The following EDEM1 variants were observed in gnomAD, a reference collection of about 807,000 sequenced individuals.
EDEM1 encodes the protein ER degradation enhancing alpha-mannosidase like protein 1.
EDEM1 carries 67 observed loss-of-function variants against 74.4 expected under a neutral mutation model. The ratio of observed to expected loss-of-function variants is 0.90; its 90% confidence interval spans 0.74 to 1.10. The LOEUF (loss-of-function observed/expected upper bound fraction) is 1.10, where lower values mean the gene tolerates loss of function less well. Ranked by LOEUF, EDEM1 falls within the 50% of genes least tolerant of loss-of-function variation. The pLI is 0.00. For synonymous variants in EDEM1, 382 were observed against 335.9 expected (o/e 1.14, Z -1.50); for missense variants, 926 against 851.6 (o/e 1.09, Z -1.09).
At chr3:5,198,487 T>C (rs1162002558) in intron 2 of EDEM1, among the ~76,000 whole-genome samples, 2 of 152,160 alleles carry the variant, frequency 1.3e-5, no homozygotes, top group African/African-American at 4.8e-5. Flanking sequence ...CAATCAGATA[T>C]GCATTTTTCT....
Position 5,219,809 on chromosome 3 carries a change from A to G in EDEM1, c.*3891A>G, listed in dbSNP as rs754113331. On this transcript the variant is annotated 3_prime_UTR_variant, in exon 12 of 12. Transcript: ENST00000256497. ...AACTGTAGATGATATTTTATGTTTA[A>G]TCTGTAAATAAGAAATGTATTTAAA... 2.6e-5 allele frequency: 4 copies of G among 152,648 alleles called. No individual in the cohort carries two copies. Among genetic ancestry groups the G allele is most frequent in the Non-Finnish European group, 5.9e-5 (4 of 68,028 alleles). The allele number at this position is 152,648 out of a possible 1,614,324, so 9.5% of individuals were successfully genotyped here.
intron 11 of EDEM1, among the ~76,000 whole-genome samples, chr3:5,214,681 C>T (rs554434420): frequency 6.9e-4 from 105 of 152,322 alleles, no homozygotes; most frequent in African/African-American, 2.4e-3. Flanking sequence ...CATTTTACAG[C>T]TGAAGAAAGG....
intron 10 of EDEM1, among the ~76,000 whole-genome samples, chr3:5,211,961 A>C (rs1316756288): frequency 6.6e-6 from 1 of 152,066 alleles, no homozygotes; most frequent in Non-Finnish European, 1.5e-5. Flanking sequence ...AGAGGGCAGG[A>C]TTTCCAGGTT....
In EDEM1 at chr3:5,216,437, A is replaced by G. The variant is rs1008073700; in HGVS notation, c.*519A>G. 6.6e-6 allele frequency: 1 copy of G among 152,126 alleles called. No homozygotes were observed. Among genetic ancestry groups the G allele is most frequent in the Non-Finnish European group, 1.5e-5 (1 of 68,040 alleles). 9.4% of individuals were successfully genotyped at this position (152,126 alleles called of 1,614,324 possible). ...TGAGCACCACTGTACCTGGCTAGCT[A>G]CTTCTTTGTTAGAGGATTGAGAATG... On this transcript the variant is annotated 3_prime_UTR_variant, in exon 12 of 12. Coordinates refer to ENST00000256497, the MANE Select transcript of EDEM1 (RefSeq NM_014674.3).
In EDEM1 at chr3:5,217,887, T is replaced by C. The variant is rs2055260618; in HGVS notation, c.*1969T>C. On this transcript the variant is annotated 3_prime_UTR_variant, in exon 12 of 12. Transcript: ENST00000256497. ...ACTGTTAGTGACCCATTTGGGAAAA[T>C]AGAGCATCTCAGAGAAGGAGGTGAG... The C allele has an allele frequency of 1.3e-5, 2 of 152,152 alleles. No homozygotes were observed. Among genetic ancestry groups the C allele is most frequent in the South Asian group, 4.2e-4 (2 of 4,818 alleles). The allele number at this position is 152,152 out of a possible 1,614,324, so 9.4% of individuals were successfully genotyped here. A position where few individuals can be genotyped will look rare whatever the true frequency, so the allele number is the denominator to read the frequency against.
chr3:5,190,509 C>G (rs1396548531), intron 1 of EDEM1, among the ~76,000 whole-genome samples: 1 of 152,190 alleles, frequency 6.6e-6, no homozygotes, highest in East Asian at 1.9e-4. Flanking sequence ...GTTGATTTAA[C>G]TTGCTGGTCT....
intron 9 of EDEM1, 45 bp downstream of exon 9, chr3:5,210,293 T>C (rs757865177): frequency 4.3e-5 from 67 of 1,543,498 alleles, no homozygotes; most frequent in Non-Finnish European, 5.5e-5. Context: ...CCACTTTTAA[T>C]TTATTTCAAA....
At chr3:5,188,571 T>C in intron 1 of EDEM1, 1 of 384,628 alleles carries the variant, frequency 2.6e-6, no homozygotes, top group Non-Finnish European at 4.5e-6. Flanking sequence ...GCTCAGTGTC[T>C]TACGCGTGAG....
intron 1 of EDEM1, among the ~76,000 whole-genome samples, chr3:5,192,737 G>A (rs1057092810): frequency 6.6e-6 from 1 of 151,176 alleles, no homozygotes; most frequent in African/African-American, 2.4e-5. Context: ...GTTTTATGGT[G>A]TTTTTTTTTC....
chr3:5,199,792 G>A, intron 3 of EDEM1, 97 bp downstream of exon 3: 1 of 952,768 alleles, frequency 1.0e-6, no homozygotes, highest in Non-Finnish European at 1.6e-6. Flanking sequence ...CATGATCCAG[G>A]CAGGGAGTCC....
chr3:5,209,541 A>G (rs2055142596), intron 8 of EDEM1, among the ~76,000 whole-genome samples: 1 of 152,190 alleles, frequency 6.6e-6, no homozygotes, highest in Non-Finnish European at 1.5e-5. Flanking sequence ...TGTTGCTGCA[A>G]TCTGGCACTA....
chr3:5,207,001 A>C, intron 6 of EDEM1, 152 bp from the exon 7 acceptor site: 1 of 986,628 alleles, frequency 1.0e-6, no homozygotes. Flanking sequence ...TAGATAATTA[A>C]AGGCAGTCTG....
chr3:5,188,610 A>G (rs1349203176), intron 1 of EDEM1, among the ~76,000 whole-genome samples: 3 of 152,230 alleles, frequency 2.0e-5, no homozygotes, highest in African/African-American at 2.4e-5. Context: ...CAGAAGGGAC[A>G]GTGGCAGTGC....
rs373755060 is a variant in EDEM1 at position 5,208,277 on chromosome 3, GTT to G, written c.1509+26_1509+27del. On this transcript the variant is annotated intron_variant, in intron 8 of 11. Coordinates refer to ENST00000256497, the MANE Select transcript of EDEM1 (RefSeq NM_014674.3). The stretch of plus-strand genomic sequence containing the variant: ...CTCCTCTACCAGGTACTAGAGTTGT[GTT>G]TTTTTTTTTTTCCTTTCACTGCCTC... The G allele has an allele frequency of 1.5e-4, 206 of 1,362,962 alleles. No individual in the cohort carries two copies. The highest frequency in any genetic ancestry group is 6.0e-4 in the Admixed American group (27 of 45,216). 84.4% of individuals were successfully genotyped at this position (1,362,962 alleles called of 1,614,324 possible). A position where few individuals can be genotyped will look rare whatever the true frequency, so the allele number is the denominator to read the frequency against.
chr3:5,205,251 C>T lies in EDEM1; in HGVS notation c.1217+10C>T. 6.2e-7 allele frequency: 1 copy of T among 1,607,690 alleles called. No homozygotes were observed. The highest frequency in any genetic ancestry group is 8.5e-7 in the Non-Finnish European group (1 of 1,176,672). On this transcript the variant is annotated intron_variant, in intron 6 of 11. Coordinates refer to ENST00000256497, the MANE Select transcript of EDEM1 (RefSeq NM_014674.3). ...ACTACTTAAGAAGAGGGTATGTCTC[C>T]CTAACATCTCCTCTGTTGCCTTGTA...
At chr3:5,205,816 C>G (rs1012262461) in intron 6 of EDEM1, among the ~76,000 whole-genome samples, 14 of 152,034 alleles carry the variant, frequency 9.2e-5, no homozygotes, top group African/African-American at 3.4e-4. Context: ...ATACTTCTGC[C>G]AGACCATTAG....
At chr3:5,193,074 C>T (rs1330683190) in intron 1 of EDEM1, among the ~76,000 whole-genome samples, 1 of 152,158 alleles carries the variant, frequency 6.6e-6, no homozygotes, top group African/African-American at 2.4e-5. Context: ...TGAGTACCTT[C>T]CTTCCATGGG....
rs2055259432 is a variant in EDEM1, at chr3:5,217,802, CACAT to C, written c.*1885_*1888del. 6.6e-6 allele frequency: 1 copy of C among 152,270 alleles called. No homozygotes were observed. Among genetic ancestry groups the C allele is most frequent in the South Asian group, 2.1e-4 (1 of 4,822 alleles). 9.4% of individuals were successfully genotyped at this position (152,270 alleles called of 1,614,324 possible). ...ACTCATTGAAAATGTTAATTACACACACATGCATGCATGCACACACGAGCATACT... is the reference window on the plus strand; with the variant it reads ...ACTCATTGAAAATGTTAATTACACACGCATGCATGCACACACGAGCATACT... On this transcript the variant is annotated 3_prime_UTR_variant, in exon 12 of 12. Coordinates refer to ENST00000256497, the MANE Select transcript of EDEM1 (RefSeq NM_014674.3).
intron 10 of EDEM1, 62 bp downstream of exon 10, chr3:5,211,278 A>C: frequency 6.7e-7 from 1 of 1,495,818 alleles, no homozygotes; most frequent in South Asian, 1.2e-5. Context: ...GCATTCGCAT[A>C]GTCTTCCATC....
Sources: allele counts gnomAD v4.1 joint callset (sites outside exome capture counted in the v4.1 genomes callset), GRCh38; gene constraint gnomAD v4.1.1; transcripts MANE v1.5; gene names NCBI Gene and HGNC (gene_info 2026-07-23, HGNC 2026-07-21).